Variants in AEBP2 observed in about 807,000 individuals in gnomAD.
AEBP2 encodes the protein AE binding protein 2.
In AEBP2, 10 loss-of-function variants were observed where a neutral mutation model predicts 50.8. The observed-to-expected ratio is 0.20, with a 90% CI of 0.12 to 0.33. AEBP2 has a LOEUF of 0.33. AEBP2 is among the 10% of genes least tolerant of loss of function. AEBP2 has a pLI of 1.00. For missense variants in AEBP2, 570 were observed against 688.0 expected (o/e 0.83, Z 1.92); for synonymous variants, 296 against 261.3 (o/e 1.13, Z -1.28).
upstream of AEBP2, among the ~76,000 whole-genome samples, chr12:19,435,980 T>G (rs537697884): frequency 6.6e-6 from 1 of 152,090 alleles, no homozygotes; most frequent in Non-Finnish European, 1.5e-5. Flanking sequence ...ATGGGTAAAA[T>G]AAGGCTGAAA....
At chr12:19,418,041 A>C (rs747283689) in intron 1 of AEBP2, among the ~76,000 whole-genome samples, 2 of 151,982 alleles carry the variant, frequency 1.3e-5, no homozygotes, top group Non-Finnish European at 2.9e-5. Context: ...TTCCCCTTCC[A>C]GGCCCTCCCA....
intron 1 of AEBP2, among the ~76,000 whole-genome samples, chr12:19,407,091 C>T (rs1176570315): frequency 6.6e-6 from 1 of 152,094 alleles, no homozygotes; most frequent in African/African-American, 2.4e-5. Flanking sequence ...TACTCAAGCC[C>T]AATAATTTGA....
chr12:19,483,207 G>A (rs1014731766), intron 3 of AEBP2, among the ~76,000 whole-genome samples: 14 of 152,170 alleles, frequency 9.2e-5, no homozygotes, highest in African/African-American at 2.7e-4. Flanking sequence ...AGATATAGTC[G>A]GGGATGGCTT....
In AEBP2 at chr12:19,462,490, C is replaced by T; in HGVS notation, c.672-20C>T. 2 of 1,577,444 alleles carry T rather than the reference C, an allele frequency of 1.3e-6. No homozygotes were observed. Among genetic ancestry groups the T allele is most frequent in the South Asian group, 2.3e-5 (2 of 86,720 alleles). Reference sequence around the variant, plus strand: ...TAGTGAATTTCTAGGAATAACACAGCCTTTTTTCTTCTTTTGTAGCATAAG... The same window carrying T: ...TAGTGAATTTCTAGGAATAACACAGTCTTTTTTCTTCTTTTGTAGCATAAG... On this transcript the variant is annotated intron_variant, in intron 1 of 7. Coordinates refer to ENST00000266508, the MANE Select transcript of AEBP2 (RefSeq NM_153207.5).
chr12:19,446,100 A>ATGGCTATGC (rs1948059650), intron 1 of AEBP2: 1 of 151,664 alleles, frequency 6.6e-6, no homozygotes, highest in African/African-American at 2.4e-5. Context: ...GTTTTCTAGT[A>ATGGCTATGC]ATGGCAGTGG....
chr12:19,473,060 G>A (rs1463057988), intron 2 of AEBP2, among the ~76,000 whole-genome samples, 188 bp from the exon 3 acceptor site: 1 of 152,092 alleles, frequency 6.6e-6, no homozygotes, highest in Non-Finnish European at 1.5e-5. Context: ...GGTGTGGACA[G>A]TAGCATTAAG....
chr12:19,461,939 T>C (rs899690118), intron 1 of AEBP2, among the ~76,000 whole-genome samples: 1 of 152,220 alleles, frequency 6.6e-6, no homozygotes, highest in Non-Finnish European at 1.5e-5. Flanking sequence ...ATTTGGACTT[T>C]AGAAAAATCA....
chr12:19,453,867 G>A (rs182529861), intron 1 of AEBP2, among the ~76,000 whole-genome samples: 3 of 150,498 alleles, frequency 2.0e-5, no homozygotes, highest in South Asian at 2.1e-4. Flanking sequence ...CGGGATCACA[G>A]CTCACTGCAA....
intron 1 of AEBP2, among the ~76,000 whole-genome samples, chr12:19,452,657 G>A (rs188836874): frequency 1.3e-5 from 2 of 152,260 alleles, no homozygotes; most frequent in African/African-American, 4.8e-5. Context: ...CTCAAGTAAA[G>A]AATTTTTACT....
chr12:19,474,050 A>G (rs926563146), intron 3 of AEBP2, among the ~76,000 whole-genome samples: 1 of 152,202 alleles, frequency 6.6e-6, no homozygotes, highest in Non-Finnish European at 1.5e-5. Context: ...TATAAAATAA[A>G]TAAATTGTAG....
At chr12:19,485,926 T>G (rs916576431) in intron 3 of AEBP2, among the ~76,000 whole-genome samples, 2 of 146,700 alleles carry the variant, frequency 1.4e-5, no homozygotes, top group Admixed American at 6.9e-5. Context: ...AGTGATAAGG[T>G]GATGTTTGAG....
chr12:19,445,899 CTTT>C (rs904994243), intron 1 of AEBP2: 1 of 151,560 alleles, frequency 6.6e-6, no homozygotes, highest in East Asian at 1.9e-4. Flanking sequence ...AACTAGCTTT[CTTT>C]TTTTTGGACG....
intron 3 of AEBP2, among the ~76,000 whole-genome samples, chr12:19,482,402 A>C (rs1948743580): frequency 6.6e-6 from 1 of 152,114 alleles, no homozygotes; most frequent in Non-Finnish European, 1.5e-5. Flanking sequence ...CTAGCAATGA[A>C]CTTGTAATGT....
intron 5 of AEBP2, among the ~76,000 whole-genome samples, chr12:19,505,683 C>T (rs913737658): frequency 6.6e-6 from 1 of 152,178 alleles, no homozygotes; most frequent in African/African-American, 2.4e-5. Flanking sequence ...TAGGCAGAAC[C>T]TTGGTGGACT....
intron 4 of AEBP2, among the ~76,000 whole-genome samples, chr12:19,498,278 C>T (rs1949017251): frequency 6.6e-6 from 1 of 152,100 alleles, no homozygotes; most frequent in Non-Finnish European, 1.5e-5. Flanking sequence ...TGATGTATTT[C>T]TCAGAACTCT....
intron 4 of AEBP2, among the ~76,000 whole-genome samples, chr12:19,498,887 T>C (rs934966269): frequency 9.2e-5 from 14 of 152,286 alleles, no homozygotes; most frequent in African/African-American, 3.4e-4. Context: ...GGAACATGCC[T>C]ATAGTCCTAG....
Position 19,512,481 on chromosome 12 carries a change from A to G in AEBP2, c.1367+16A>G. 6.7e-7 allele frequency: 1 copy of G among 1,482,126 alleles called. No individual in the cohort carries two copies. Among genetic ancestry groups the G allele is most frequent in the Non-Finnish European group, 9.2e-7 (1 of 1,091,288 alleles). The allele number at this position is 1,482,126 out of a possible 1,614,324, so 91.8% of individuals were successfully genotyped here. On this transcript the variant is annotated intron_variant, in intron 6 of 7. Coordinates refer to ENST00000266508, the MANE Select transcript of AEBP2 (RefSeq NM_153207.5). ...CTGAAGACATGTAAGTATTTGAAAT[A>G]TTATGCCTTAGTAATAAGTTCATGT...
chr12:19,432,968 C>T (rs974777131), intron 1 of AEBP2, among the ~76,000 whole-genome samples: 1 of 152,008 alleles, frequency 6.6e-6, no homozygotes, highest in Non-Finnish European at 1.5e-5. Flanking sequence ...AATCAAATAG[C>T]CCTTATGCAA....
chr12:19,495,131 C>T (rs1460944043), intron 4 of AEBP2, among the ~76,000 whole-genome samples: 2 of 152,146 alleles, frequency 1.3e-5, no homozygotes, highest in Admixed American at 1.3e-4. Context: ...TCTTGAACTC[C>T]TGACCTCTTG....
Sources: allele counts gnomAD v4.1 joint callset (sites outside exome capture counted in the v4.1 genomes callset), GRCh38; gene constraint gnomAD v4.1.1; transcripts MANE v1.5; gene names NCBI Gene and HGNC (gene_info 2026-07-23, HGNC 2026-07-21).